The following RYR2 variants were observed in gnomAD, a reference collection of about 807,000 sequenced individuals.
RYR2 encodes cardiac muscle ryanodine receptor-calcium release channel.
RYR2 carries 227 observed loss-of-function variants against 601.1 expected under a neutral mutation model. That is an observed-to-expected ratio of 0.38 (90% CI 0.34 to 0.42). The LOEUF is 0.42. RYR2 is among the 10% of genes least tolerant of loss of function. The pLI, the probability that RYR2 is intolerant of heterozygous loss-of-function variation, is 1.00. For missense variants in RYR2, 4,646 were observed against 6,156.5 expected, an observed-to-expected ratio of 0.75 and a Z score of 8.21; for synonymous variants, 2,223 against 2,175.1, an observed-to-expected ratio of 1.02 and a Z score of -0.61.
rs78164796 is a variant in RYR2 at position 237,681,323 on chromosome 1, C to T, written c.9017+746C>T. ...AAATACAGACTTTCCTTGGACTTGA[C>T]GTCGATGCTGTGCTGAAAGGCAGTA... is the stretch of plus-strand genomic sequence containing the variant. On this transcript the variant is annotated intron_variant, in intron 62 of 104. Coordinates refer to ENST00000366574, the MANE Select transcript of RYR2 (RefSeq NM_001035.3). Among the ~76,000 whole-genome samples, 1,413 of 152,242 alleles carry T rather than the reference C, an allele frequency of 9.3e-3. 31 individuals carry two copies. The highest frequency in any genetic ancestry group is 0.057 in the East Asian group (295 of 5,152).
At chr1:237,325,549 G>T (rs12088659) in intron 2 of RYR2, among the ~76,000 whole-genome samples, 1 of 151,958 alleles carries the variant, frequency 6.6e-6, no homozygotes, top group Non-Finnish European at 1.5e-5. Context: ...TTAGCCGGGC[G>T]TGGTGGCGGG....
intron 16 of RYR2, among the ~76,000 whole-genome samples, chr1:237,463,004 C>T (rs931807424): frequency 1.5e-4 from 23 of 152,164 alleles, no homozygotes; most frequent in Non-Finnish European, 3.2e-4. Context: ...GGACAGCTCT[C>T]CAAGCTCTCC....
At chr1:237,600,485 A>G (rs1010302863) in intron 34 of RYR2, among the ~76,000 whole-genome samples, 1 of 152,234 alleles carries the variant, frequency 6.6e-6, no homozygotes, top group Non-Finnish European at 1.5e-5. Context: ...AGGACCTTAA[A>G]CTATGAAAGT....
At chr1:237,667,166 G>C (rs1275761111) in intron 57 of RYR2, among the ~76,000 whole-genome samples, 1 of 152,136 alleles carries the variant, frequency 6.6e-6, no homozygotes, top group Non-Finnish European at 1.5e-5. Context: ...TAGCAGATTT[G>C]AAAGTAAGAT....
chr1:237,693,194 T>C (rs1041192860), intron 63 of RYR2, among the ~76,000 whole-genome samples: 1 of 152,066 alleles, frequency 6.6e-6, no homozygotes, highest in African/African-American at 2.4e-5. Flanking sequence ...TATCCTACAA[T>C]TGGTGAGAAT....
rs267598434 is a variant in RYR2, at chr1:237,503,460, C to T, written c.2568C>T (p.Ser856=). 1.2e-6 allele frequency: 2 copies of T among 1,613,938 alleles called. No homozygotes were observed. The highest frequency in any genetic ancestry group is 8.5e-7 in the Non-Finnish European group (1 of 1,179,884). ...YTRDLLGPTV[S]LTQAAFTPIP... ...GCGACCTGCTGGGCCCCACAGTTTC[C>T]CTGACGCAAGCTGCCTTCACACCCA... Residue 856 remains serine (S), a synonymous_variant, in exon 22 of 105, where the codon TCC becomes TCT. Transcript: ENST00000366574.
At chr1:237,815,162 A>C (rs184773229) in intron 100 of RYR2, among the ~76,000 whole-genome samples, 13 of 152,166 alleles carry the variant, frequency 8.5e-5, no homozygotes, top group African/African-American at 3.1e-4. Context: ...TTTTTGTAGG[A>C]CCAGGCACCT....
intron 17 of RYR2, among the ~76,000 whole-genome samples, chr1:237,480,643 G>A (rs2618683): frequency 0.32 from 48,657 of 151,718 alleles, 9,402 homozygotes; most frequent in African/African-American, 0.56. Flanking sequence ...ACCATCAGGG[G>A]CCTAATTAAG....
chr1:237,492,215 A>G (rs1356329094), intron 18 of RYR2, among the ~76,000 whole-genome samples: 2 of 152,136 alleles, frequency 1.3e-5, no homozygotes, highest in Non-Finnish European at 2.9e-5. Flanking sequence ...TATTTTTAGT[A>G]GAGACAGGGT....
At chr1:237,436,008 G>A (rs1279902080) in intron 12 of RYR2, among the ~76,000 whole-genome samples, 2 of 152,124 alleles carry the variant, frequency 1.3e-5, no homozygotes, top group Non-Finnish European at 2.9e-5. Context: ...AGGTGGTAAG[G>A]AAGAGAGAAC....
intron 3 of RYR2, among the ~76,000 whole-genome samples, chr1:237,332,131 T>C (rs1005650061): frequency 6.6e-6 from 1 of 152,184 alleles, no homozygotes; most frequent in African/African-American, 2.4e-5. Context: ...ATTACTCTGG[T>C]CTGGATAAAT....
chr1:237,436,915 G>A (rs984403195), intron 12 of RYR2, among the ~76,000 whole-genome samples: 2 of 150,632 alleles, frequency 1.3e-5, no homozygotes, highest in South Asian at 2.1e-4. Flanking sequence ...TGTGTATAAG[G>A]CCACAGTTCT....
intron 43 of RYR2, among the ~76,000 whole-genome samples, chr1:237,633,966 T>C (rs1197556215): frequency 6.6e-6 from 1 of 151,996 alleles, no homozygotes; most frequent in East Asian, 1.9e-4. Flanking sequence ...ACATAATAAG[T>C]GTTGGCGAGG....
chr1:237,509,261 C>T (rs1415526594), intron 23 of RYR2, among the ~76,000 whole-genome samples: 1 of 152,132 alleles, frequency 6.6e-6, no homozygotes, highest in African/African-American at 2.4e-5. Context: ...GATTTGCAGT[C>T]TGCTTCTTTT....
intron 35 of RYR2, among the ~76,000 whole-genome samples, chr1:237,604,312 C>T (rs1044840664): frequency 2.0e-5 from 3 of 152,156 alleles, no homozygotes; most frequent in Non-Finnish European, 2.9e-5. Context: ...CAACCTGCTC[C>T]TGAATGACTA....
chr1:237,256,328 C>G (rs1251729487), intron 1 of RYR2, among the ~76,000 whole-genome samples: 3 of 152,150 alleles, frequency 2.0e-5, no homozygotes, highest in Admixed American at 6.5e-5. Flanking sequence ...ATTACTCAGT[C>G]TCTGGTATGT....
At chr1:237,803,508 G>C (rs997558905) in intron 98 of RYR2, among the ~76,000 whole-genome samples, 4 of 152,140 alleles carry the variant, frequency 2.6e-5, no homozygotes, top group African/African-American at 7.2e-5. Context: ...CACCATGTTA[G>C]CCAGGATGGT....
chr1:237,390,659 G>T (rs762390446), intron 10 of RYR2, among the ~76,000 whole-genome samples: 1 of 152,160 alleles, frequency 6.6e-6, no homozygotes, highest in African/African-American at 2.4e-5. Flanking sequence ...CTGGATCCAA[G>T]AGGATCCTTT....
At chr1:237,705,459 TG>T (rs1388953287) in intron 67 of RYR2, 116 bp downstream of exon 67, 2 of 819,096 alleles carry the variant, frequency 2.4e-6, no homozygotes, top group African/African-American at 3.5e-5. Flanking sequence ...CAATCTTGTT[TG>T]TTCTTAAATG....
Sources: allele counts gnomAD v4.1 joint callset (sites outside exome capture counted in the v4.1 genomes callset), GRCh38; gene constraint gnomAD v4.1.1; transcripts MANE v1.5; gene names NCBI Gene and HGNC (gene_info 2026-07-23, HGNC 2026-07-21).